Variants in EBF4 observed in about 807,000 individuals in gnomAD.
The protein encoded by EBF4 is EBF transcription factor 4.
EBF4 carries 34 observed loss-of-function variants against 67.1 expected under a neutral mutation model. The observed-to-expected ratio is 0.51, with a 90% CI of 0.39 to 0.67. The LOEUF (loss-of-function observed/expected upper bound fraction) is 0.67. Ranked by LOEUF, EBF4 falls within the 30% of genes least tolerant of loss-of-function variation. The pLI, the probability that EBF4 is intolerant of heterozygous loss-of-function variation, is 0.00. For synonymous variants in EBF4, 387 were observed against 377.7 expected, an observed-to-expected ratio of 1.02 and a Z score of -0.29; for missense variants, 837 against 873.3, an observed-to-expected ratio of 0.96 and a Z score of 0.52.
chr20:2,747,167 C>T lies in EBF4; in HGVS notation c.558-1382C>T, dbSNP rs926091807. ...AGTAGCCAGGCGTGGTGGCAGGCCC[C>T]TGTGATCCCCCTGTAATCCCCTGTA... is the stretch of plus-strand genomic sequence containing the variant. On this transcript the variant is annotated intron_variant, in intron 6 of 16. Coordinates refer to ENST00000609451, the Ensembl canonical transcript of EBF4. The surrounding 1 kb of genome is among the most constrained non-coding windows in gnomAD (Gnocchi z 4.6). 2.0e-5 allele frequency among the ~76,000 whole-genome samples: 3 copies of T among 152,126 alleles called. No homozygotes were observed. The highest frequency in any genetic ancestry group is 7.2e-5 in the African/African-American group (3 of 41,418).
chr20:2,693,643 C>A lies in EBF4; in HGVS notation c.-3C>A. ...CGGGGGCGCTCACTCACCGCGCGCC[C>A]TCATGTTCCCTGCGCAGGACGCTCT... On this transcript the variant is annotated 5_prime_UTR_variant, in exon 1 of 17. Coordinates refer to ENST00000609451, the Ensembl canonical transcript of EBF4. The surrounding 1 kb of genome is among the most constrained non-coding windows in gnomAD (Gnocchi z 4.6). 1.4e-6 allele frequency: 2 copies of A among 1,430,670 alleles called. No homozygotes were observed. Among genetic ancestry groups the A allele is most frequent in the South Asian group, 1.4e-5 (1 of 71,028 alleles). The allele number at this position is 1,430,670 out of a possible 1,614,324, so 88.6% of individuals were successfully genotyped here.
chr20:2,752,553 T>TC lies in EBF4; in HGVS notation c.1540+13dup. On this transcript the variant is annotated intron_variant, in intron 14 of 16. Transcript: ENST00000609451. ...CCACCTCGCCCTTCGCCAGTGAGTG[T>TC]CCCCCGCCCGCGAGGGAAGGTCTGG... 8.1e-7 allele frequency: 1 copy of TC among 1,238,114 alleles called. No individual in the cohort carries two copies. The allele number at this position is 1,238,114 out of a possible 1,614,324, so 76.7% of individuals were successfully genotyped here. A position where few individuals can be genotyped will look rare whatever the true frequency, so the allele number is the denominator to read the frequency against.
chr20:2,729,671 A>G (rs1356879684), intron 6 of EBF4, among the ~76,000 whole-genome samples: 1 of 152,182 alleles, frequency 6.6e-6, no homozygotes, highest in South Asian at 2.1e-4. Flanking sequence ...ACCGGGTAGC[A>G]TAGGTGGTCC....
intron 6 of EBF4, among the ~76,000 whole-genome samples, chr20:2,731,010 T>C (rs2087806936): frequency 6.6e-6 from 1 of 152,184 alleles, no homozygotes; most frequent in Non-Finnish European, 1.5e-5. Context: ...GCAATTCTCC[T>C]GCCTCAGCCT....
chr20:2,749,896 C>CCCCG lies in EBF4; in HGVS notation c.942_943insCCGC (p.Gly315ProfsTer34). 6.4e-7 allele frequency: 1 copy of CCCCG among 1,551,584 alleles called. No individual in the cohort carries two copies. The highest frequency in any genetic ancestry group is 8.7e-7 in the Non-Finnish European group (1 of 1,146,950). On this transcript the variant is annotated frameshift_variant, in exon 10 of 17. Coordinates refer to ENST00000609451, the Ensembl canonical transcript of EBF4. LOFTEE classifies it high-confidence loss of function. ...GTGCAGACGCCCCCGCGGCACATCCCCGGGGTGGTGGAGGTGACCCTCTCC... is the reference window on the plus strand; with the variant it reads ...GTGCAGACGCCCCCGCGGCACATCCCCCCGCGGGGTGGTGGAGGTGACCCTCTCC...
rs754683303 is a variant in EBF4, at chr20:2,751,773, C to T, written c.1092C>T (p.Pro364=). 1.9e-6 allele frequency: 3 copies of T among 1,541,370 alleles called. No individual in the cohort carries two copies. Among genetic ancestry groups the T allele is most frequent in the Admixed American group, 2.0e-5 (1 of 50,586 alleles). ...TCATTCCCAGACACCCCGGAGACCC[C>T]GAGAGGCTGCCCAAGGTACTCAGAG... Residue 364 remains proline (P), a synonymous_variant, in exon 11 of 17, where the codon CCC becomes CCT. Transcript: ENST00000609451. The surrounding 1 kb of genome is among the most constrained non-coding windows in gnomAD (Gnocchi z 5.2).
chr20:2,749,942 C>T (rs1255259244), exon 10 of EBF4: 18 of 1,551,494 alleles, frequency 1.2e-5, no homozygotes, highest in Non-Finnish European at 1.6e-5. Context: ...AGCAGTTTTG[C>T]AAGGGATGCC....
At chr20:2,737,154 G>A (rs1356085202) in intron 6 of EBF4, among the ~76,000 whole-genome samples, 2 of 151,546 alleles carry the variant, frequency 1.3e-5, no homozygotes, top group South Asian at 2.1e-4. Context: ...GGAGGCTGAG[G>A]CAGGAGAATG....
rs185989446 is a variant in EBF4 at position 2,739,578 on chromosome 20, G to A, written c.558-8971G>A. ...ATGCCGCAGTGCCTAACACATAGAA[G>A]GTATTTAATAAATCTTTTTAAGTGG... is the stretch of plus-strand genomic sequence containing the variant. On this transcript the variant is annotated intron_variant, in intron 6 of 16. Transcript: ENST00000609451. This position sits in a 1 kb window ranked among gnomAD's most constrained non-coding sequence, Gnocchi z 4.5. Among the ~76,000 whole-genome samples the A allele has an allele frequency of 3.9e-5, 6 of 152,290 alleles. No homozygotes were observed. Among genetic ancestry groups the A allele is most frequent in the Non-Finnish European group, 7.3e-5 (5 of 68,034 alleles).
intron 3 of EBF4, 53 bp downstream of exon 3, chr20:2,706,090 C>G: frequency 6.5e-7 from 1 of 1,546,814 alleles, no homozygotes; most frequent in Non-Finnish European, 8.8e-7. Context: ...CTGGGCACTG[C>G]AGCATCATGC....
intron 6 of EBF4, among the ~76,000 whole-genome samples, chr20:2,716,917 T>G (rs188397039): frequency 2.6e-5 from 4 of 152,356 alleles, no homozygotes; most frequent in Admixed American, 2.0e-4. Context: ...ATAGGGCAAG[T>G]CTTCCACCTT....
chr20:2,705,553 T>C (rs770878009), intron 1 of EBF4, 24 bp from the exon 2 acceptor site: 4 of 1,551,672 alleles, frequency 2.6e-6, no homozygotes, highest in Non-Finnish European at 3.5e-6. Context: ...TTCCAGTGGT[T>C]TTCCAGCTCT....
Position 2,705,624 on chromosome 20 carries a change from A to C in EBF4, c.185A>C (p.Asn62Thr). ...CATTTTGAGAAGCAGCCTCCCTCCAACCTCAGGAAATCCAACTTCTTCCAC... is the reference window on the plus strand; with the variant it reads ...CATTTTGAGAAGCAGCCTCCCTCCACCCTCAGGAAATCCAACTTCTTCCAC... Residue 62 changes from asparagine (N) to threonine (T), a missense_variant, in exon 2 of 17, where the codon AAC becomes ACC. Around this residue, in one of 3 missense-constraint regions of EBF4, gnomAD observed 226 missense variants for 306.5 expected, o/e 0.74. Transcript: ENST00000609451. 2.6e-6 allele frequency: 4 copies of C among 1,553,220 alleles called. No individual in the cohort carries two copies. The South Asian group carries it at 3.6e-5, about 14-fold the overall frequency.
chr20:2,737,267 A>G (rs1461732411), intron 6 of EBF4, among the ~76,000 whole-genome samples: 1 of 142,172 alleles, frequency 7.0e-6, no homozygotes, highest in Non-Finnish European at 1.5e-5. Flanking sequence ...AAAAAAAAAG[A>G]AAAGAAAAGA....
At chr20:2,746,166 G>T (rs150512559) in intron 6 of EBF4, among the ~76,000 whole-genome samples, 3 of 152,128 alleles carry the variant, frequency 2.0e-5, no homozygotes, top group African/African-American at 7.2e-5. Flanking sequence ...TACACCATGG[G>T]GTGTCATAAG....
chr20:2,694,430 G>C (rs184389820), intron 1 of EBF4, among the ~76,000 whole-genome samples: 2 of 152,264 alleles, frequency 1.3e-5, no homozygotes, highest in African/African-American at 4.8e-5. Flanking sequence ...CACCCGCGCC[G>C]GTCTCCTCTG....
At chr20:2,749,995 T>A (rs1201019431) in intron 10 of EBF4, 22 bp downstream of exon 10, 16 of 1,541,496 alleles carry the variant, frequency 1.0e-5, no homozygotes, top group Non-Finnish European at 1.2e-5. Flanking sequence ...GGCGGGGGAG[T>A]GGAGGTCTAA....
At chr20:2,702,298 C>T (rs2087387676) in intron 1 of EBF4, among the ~76,000 whole-genome samples, 1 of 152,122 alleles carries the variant, frequency 6.6e-6, no homozygotes, top group Non-Finnish European at 1.5e-5. Context: ...CATGGTGGCT[C>T]ATGCCTGTAG....
chr20:2,726,570 G>C (rs1347788961), intron 6 of EBF4, among the ~76,000 whole-genome samples: 2 of 140,970 alleles, frequency 1.4e-5, no homozygotes, highest in Non-Finnish European at 3.0e-5. Context: ...GAGAAAGAAA[G>C]ACCCTGTCTC....
Sources: gnomAD v4.1 joint callset for allele counts (sites outside exome capture counted in the v4.1 genomes callset) on GRCh38, gnomAD v4.1.1 for gene constraint, gnomAD v4.1.1 regional missense constraint, Gnocchi (gnomAD v3.1) non-coding constraint, MANE v1.5 for transcripts, NCBI Gene and HGNC (gene_info 2026-07-23, HGNC 2026-07-21) for gene names.